TMEM163: variants seen among roughly 807,000 people sequenced by gnomAD.
TMEM163 encodes the protein transmembrane protein 163.
A neutral mutation model predicts 29.3 loss-of-function variants in TMEM163; 17 were observed. That is an observed-to-expected ratio of 0.58 (90% CI 0.40 to 0.87). TMEM163 has a LOEUF of 0.87. TMEM163 is among the 40% of genes least tolerant of loss of function. TMEM163 has a pLI of 0.00. For synonymous variants in TMEM163, 157 were observed against 160.6 expected, an observed-to-expected ratio of 0.98 and a Z score of 0.17; for missense variants, 303 against 381.5, an observed-to-expected ratio of 0.79 and a Z score of 1.71.
chr2:134,707,751 C>T (rs1259582940), intron 2 of TMEM163, among the ~76,000 whole-genome samples: 1 of 151,874 alleles, frequency 6.6e-6, no homozygotes, highest in Non-Finnish European at 1.5e-5. Context: ...GTTGGTGAGG[C>T]CTCTTTGGGG....
Position 134,718,895 on chromosome 2 carries a change from C to G in TMEM163, c.41G>C (p.Gly14Ala). 9.2e-7 allele frequency: 1 copy of G among 1,089,266 alleles called. No individual in the cohort carries two copies. The highest frequency in any genetic ancestry group is 5.9e-5 in the East Asian group (1 of 16,812). The allele number at this position is 1,089,266 out of a possible 1,614,324, so 67.5% of individuals were successfully genotyped here. The change falls in exon 1 of 8, where the codon GGG becomes GCG. Residue 14 changes from glycine to alanine, a missense_variant. Physicochemically the swap from Gly to Ala is moderately conservative, Grantham distance 60 (BLOSUM62 0). Transcript: ENST00000281924. ...AAGIQRRSSQ[G>A]PTVPPPPRGH... The stretch of plus-strand genomic sequence containing the variant: ...CCGGGGCGGCGGCGGGACGGTGGGC[C>G]CCTGGGAGCTGCGGCGCTGGATGCC...
At chr2:134,717,330 C>T (rs559849616) in intron 1 of TMEM163, among the ~76,000 whole-genome samples, 7 of 152,148 alleles carry the variant, frequency 4.6e-5, no homozygotes, top group Non-Finnish European at 8.8e-5. Flanking sequence ...GTTCCATGCT[C>T]GTGATGTCCC....
At chr2:134,531,435 C>G (rs1680414784) in intron 4 of TMEM163, among the ~76,000 whole-genome samples, 1 of 152,224 alleles carries the variant, frequency 6.6e-6, no homozygotes, top group African/African-American at 2.4e-5. Flanking sequence ...TCAGATCCCA[C>G]AAGGTGAGGG....
chr2:134,644,789 T>C (rs1253927515), intron 2 of TMEM163, among the ~76,000 whole-genome samples: 3 of 151,566 alleles, frequency 2.0e-5, no homozygotes, highest in African/African-American at 7.3e-5. Context: ...AAATGAAAAA[T>C]ATTTTTCTGC....
chr2:134,634,519 G>A lies in TMEM163; in HGVS notation c.322+78681C>T, dbSNP rs553045571. ...AAGGCAGTGACTAGGTGAGAAGGAT[G>A]GGGCTGCACATCTCCAGCTAGTGCT... On this transcript the variant is annotated intron_variant, in intron 2 of 7. Transcript: ENST00000281924. Among the ~76,000 whole-genome samples the A allele has an allele frequency of 1.1e-4, 17 of 152,336 alleles. No individual in the cohort carries two copies. The East Asian group carries it at 3.3e-3, about 29-fold the overall frequency.
chr2:134,694,744 A>G (rs918299072), intron 2 of TMEM163, among the ~76,000 whole-genome samples: 3 of 152,224 alleles, frequency 2.0e-5, no homozygotes, highest in East Asian at 1.9e-4. Context: ...GACTATATAC[A>G]CACATTATTC....
intron 2 of TMEM163, among the ~76,000 whole-genome samples, chr2:134,585,678 C>T (rs957336790): frequency 4.6e-5 from 7 of 150,710 alleles, no homozygotes; most frequent in Non-Finnish European, 8.8e-5. Flanking sequence ...GGAGGCGGAG[C>T]TTGCAGTGAG....
intron 2 of TMEM163, among the ~76,000 whole-genome samples, chr2:134,681,321 G>A (rs1330316984): frequency 6.6e-6 from 1 of 152,158 alleles, no homozygotes; most frequent in African/African-American, 2.4e-5. Context: ...ATGCCGGGAA[G>A]GCTGGCTATG....
intron 2 of TMEM163, among the ~76,000 whole-genome samples, chr2:134,651,556 C>G (rs62171368): frequency 1.6e-5 from 2 of 125,200 alleles, no homozygotes; most frequent in Non-Finnish European, 3.2e-5. Context: ...TAATTAGATC[C>G]CATTTGTCAG....
In TMEM163 at chr2:134,668,659, G is replaced by A. The variant is rs181566725; in HGVS notation, c.322+44541C>T. On this transcript the variant is annotated intron_variant, in intron 2 of 7. Transcript: ENST00000281924. The stretch of plus-strand genomic sequence containing the variant: ...AAAAAAGAAAAGAAAAGAAAAATGG[G>A]TTTTCTGGTGCCCTTTCTCCTCTCC... Among the ~76,000 whole-genome samples the A allele has an allele frequency of 3.2e-4, 48 of 151,684 alleles. 1 individual carries two copies. Among genetic ancestry groups the A allele is most frequent in the East Asian group, 2.5e-3 (13 of 5,162 alleles).
intron 4 of TMEM163, among the ~76,000 whole-genome samples, chr2:134,536,748 A>T (rs1016186042): frequency 2.6e-5 from 4 of 152,230 alleles, no homozygotes; most frequent in Non-Finnish European, 5.9e-5. Context: ...TTCAGAGTTA[A>T]ACTTTTAGGT....
chr2:134,475,737 C>A (rs1686898252), intron 5 of TMEM163, among the ~76,000 whole-genome samples: 1 of 152,022 alleles, frequency 6.6e-6, no homozygotes, highest in African/African-American at 2.4e-5. Context: ...AGATAATCAA[C>A]ATTATTGGTC....
At chr2:134,550,248 C>T (rs973499982) in intron 4 of TMEM163, among the ~76,000 whole-genome samples, 1 of 152,124 alleles carries the variant, frequency 6.6e-6, no homozygotes, top group African/African-American at 2.4e-5. Context: ...AGAAGAAAAA[C>T]AGCATAAAAA....
intron 2 of TMEM163, among the ~76,000 whole-genome samples, chr2:134,563,732 G>A (rs1015572871): frequency 6.6e-6 from 1 of 152,190 alleles, no homozygotes; most frequent in Non-Finnish European, 1.5e-5. Context: ...TGAAGCCAGA[G>A]TTCATGTGGA....
chr2:134,628,131 A>G (rs1682892460), intron 2 of TMEM163, among the ~76,000 whole-genome samples: 1 of 152,236 alleles, frequency 6.6e-6, no homozygotes, highest in Non-Finnish European at 1.5e-5. Context: ...TCAAAGTTGA[A>G]TTCTATAAGA....
chr2:134,698,240 G>C (rs1282871895), intron 2 of TMEM163, among the ~76,000 whole-genome samples: 1 of 152,110 alleles, frequency 6.6e-6, no homozygotes, highest in Non-Finnish European at 1.5e-5. Flanking sequence ...GAAGGGAGGG[G>C]GTGCAAAATC....
At chr2:134,658,488 T>C (rs1683672227) in intron 2 of TMEM163, among the ~76,000 whole-genome samples, 1 of 152,136 alleles carries the variant, frequency 6.6e-6, no homozygotes, top group African/African-American at 2.4e-5. Context: ...TGAGTATTGG[T>C]ATGAGCAAAG....
intron 5 of TMEM163, among the ~76,000 whole-genome samples, chr2:134,489,641 G>T (rs1446152048): frequency 6.6e-6 from 1 of 152,058 alleles, no homozygotes; most frequent in Non-Finnish European, 1.5e-5. Flanking sequence ...CCACAACAAT[G>T]TTATAGTTCC....
chr2:134,578,429 C>T (rs1343889345), intron 2 of TMEM163, among the ~76,000 whole-genome samples: 2 of 152,266 alleles, frequency 1.3e-5, no homozygotes, highest in African/African-American at 2.4e-5. Context: ...AGAAATGTAA[C>T]GCGTGATGTT....
Sources: allele counts gnomAD v4.1 joint callset (sites outside exome capture counted in the v4.1 genomes callset), GRCh38; gene constraint gnomAD v4.1.1; transcripts MANE v1.5; gene names NCBI Gene and HGNC (gene_info 2026-07-23, HGNC 2026-07-21).